Variants in RYR3 observed in about 807,000 individuals in gnomAD.
RYR3 encodes ryanodine receptor 3.
Under a neutral mutation model 584.3 loss-of-function variants are expected in RYR3, and 207 were observed. The observed-to-expected ratio is 0.35, with a 90% CI of 0.32 to 0.40. The LOEUF is 0.40. Among genes scored for constraint, RYR3 ranks in the 10% least tolerant of loss-of-function variants. The probability of loss-of-function intolerance (pLI) is 1.00; values close to 1 mark genes in which losing one functional copy is unlikely to be tolerated. For missense variants in RYR3, 5,616 were observed against 6,089.2 expected, an observed-to-expected ratio of 0.92 and a Z score of 2.59; for synonymous variants, 2,416 against 2,248.5, an observed-to-expected ratio of 1.07 and a Z score of -2.11.
chr15:33,697,725 A>G lies in RYR3; in HGVS notation c.6135-157A>G, dbSNP rs115119025. ...TTTCAGTCAGCTAAAATGGCCCTCCACATATATTCCAGCTGAACTAGTGCT... is the reference window on the plus strand; with the variant it reads ...TTTCAGTCAGCTAAAATGGCCCTCCGCATATATTCCAGCTGAACTAGTGCT... On this transcript the variant is annotated intron_variant, in intron 39 of 103. Coordinates refer to ENST00000634891, the MANE Select transcript of RYR3 (RefSeq NM_001036.6). Among the ~76,000 whole-genome samples, 661 of 152,328 alleles carry G rather than the reference A, an allele frequency of 4.3e-3. 7 individuals are homozygous for G. The highest frequency in any genetic ancestry group is 0.015 in the African/African-American group (637 of 41,570).
chr15:33,552,456 TAGC>T (rs1217095731), intron 10 of RYR3, among the ~76,000 whole-genome samples: 1 of 152,208 alleles, frequency 6.6e-6, no homozygotes, highest in East Asian at 1.9e-4. Context: ...GCCATCGGCA[TAGC>T]AGAGCTGGGG....
At chr15:33,324,718 A>G (rs1034033023) in intron 1 of RYR3, among the ~76,000 whole-genome samples, 5 of 152,176 alleles carry the variant, frequency 3.3e-5, no homozygotes, top group Non-Finnish European at 5.9e-5. Flanking sequence ...AGAGTTAGTA[A>G]ATCCTCATCT....
intron 31 of RYR3, 80 bp downstream of exon 31, chr15:33,649,315 C>A: frequency 7.4e-7 from 1 of 1,349,160 alleles, no homozygotes. Flanking sequence ...CACCCCACAC[C>A]CAAAGAAGGA....
intron 43 of RYR3, among the ~76,000 whole-genome samples, chr15:33,709,006 A>G (rs1339120162): frequency 6.6e-6 from 1 of 152,192 alleles, no homozygotes; most frequent in Non-Finnish European, 1.5e-5. Context: ...AGGTGATCAG[A>G]ATGAGTCAGG....
At position 33,758,764 on chromosome 15, in the gene RYR3, G is replaced by A. The variant is rs150431798; in HGVS notation, c.8705+1168G>A. Among the ~76,000 whole-genome samples the A allele has an allele frequency of 2.4e-3, 359 of 152,304 alleles. 1 individual carries two copies. Among genetic ancestry groups the A allele is most frequent in the African/African-American group, 8.0e-3 (334 of 41,562 alleles). On this transcript the variant is annotated intron_variant, in intron 60 of 103. Transcript: ENST00000634891. The stretch of plus-strand genomic sequence containing the variant: ...GCCTGCCGGCTCTGAACATAGCAGC[G>A]GATCTCCCAGCACAGCACTCAAGCT...
chr15:33,741,045 G>T (rs948184152), intron 51 of RYR3, among the ~76,000 whole-genome samples: 2 of 152,210 alleles, frequency 1.3e-5, no homozygotes, highest in Non-Finnish European at 2.9e-5. Context: ...AGCAAATGGC[G>T]TAGTAACTTG....
intron 102 of RYR3, 93 bp downstream of exon 102, chr15:33,861,271 A>G: frequency 1.1e-6 from 1 of 912,678 alleles, no homozygotes; most frequent in Admixed American, 2.2e-5. Flanking sequence ...AAAAAGAGTA[A>G]CCAGAAAGGA....
In RYR3 at chr15:33,726,495, C is replaced by G; in HGVS notation, c.7022C>G (p.Ser2341Cys). ...ATCAGCATCCCCTTGAAACTGCCCT[C>G]CCTCAACAAAGGTAAGGGGAGTGAC... ...GIISIPLKLP[S>C]LNKDGSVSEP... Residue 2341 changes from serine (S) to cysteine (C), a missense_variant, in exon 46 of 104, where the codon TCC (serine) becomes TGC (cysteine). Ser to Cys is a moderately radical substitution (Grantham distance 112). Around this residue, in one of 9 missense-constraint regions of RYR3, gnomAD observed 1,280 missense variants for 1,426.2 expected, o/e 0.90. Transcript: ENST00000634891. 1 of 1,596,786 alleles carries G rather than the reference C, an allele frequency of 6.3e-7. No individual in the cohort carries two copies. Among genetic ancestry groups the G allele is most frequent in the South Asian group, 1.1e-5 (1 of 87,964 alleles).
At chr15:33,312,859 G>A (rs1156876665) in intron 1 of RYR3, among the ~76,000 whole-genome samples, 1 of 152,156 alleles carries the variant, frequency 6.6e-6, no homozygotes, top group Non-Finnish European at 1.5e-5. Context: ...CATTGTAAGT[G>A]TTTTTTGTTT....
At chr15:33,737,651 C>T (rs1395972302) in intron 49 of RYR3, among the ~76,000 whole-genome samples, 2 of 152,276 alleles carry the variant, frequency 1.3e-5, no homozygotes, top group East Asian at 1.9e-4. Context: ...TCTCTAGCAG[C>T]CCCAGTTTTC....
At chr15:33,775,833 A>G (rs1186914026) in intron 64 of RYR3, among the ~76,000 whole-genome samples, 7 of 152,176 alleles carry the variant, frequency 4.6e-5, no homozygotes, top group Non-Finnish European at 1.0e-4. Context: ...TCATTGTTTC[A>G]GGCAAAACCT....
At chr15:33,597,216 G>A (rs2059420553) in intron 16 of RYR3, among the ~76,000 whole-genome samples, 2 of 152,192 alleles carry the variant, frequency 1.3e-5, no homozygotes, top group Non-Finnish European at 2.9e-5. Flanking sequence ...GCAGGGATAA[G>A]TATGAAATTG....
rs927433368 is a variant in RYR3 at position 33,663,732 on chromosome 15, G to A, written c.5614G>A (p.Glu1872Lys). The A allele has an allele frequency of 1.2e-6, 2 of 1,603,732 alleles. No homozygotes were observed. The highest frequency in any genetic ancestry group is 8.5e-7 in the Non-Finnish European group (1 of 1,175,914). Reference protein sequence around the residue: ...KTKEFRSPPQEQINMLLNFQL... With the variant: ...KTKEFRSPPQKQINMLLNFQL... Reference sequence around the variant, plus strand: ...CAAGGAGTTCCGCTCACCCCCACAGGAGCAGGTGAGGGTCCTTCCTGAGCC... The same window carrying A: ...CAAGGAGTTCCGCTCACCCCCACAGAAGCAGGTGAGGGTCCTTCCTGAGCC... Residue 1872 changes from glutamate (E) to lysine (K), a missense_variant, in exon 36 of 104, where the codon GAG (glutamate) becomes AAG (lysine). Around this residue, in one of 9 missense-constraint regions of RYR3, gnomAD observed 1,280 missense variants for 1,426.2 expected, o/e 0.90. Transcript: ENST00000634891.
intron 1 of RYR3, among the ~76,000 whole-genome samples, chr15:33,429,590 T>A (rs2044945516): frequency 6.6e-6 from 1 of 152,218 alleles, no homozygotes; most frequent in Non-Finnish European, 1.5e-5. Context: ...CTCTAATGAA[T>A]CTCTTACAGG....
At chr15:33,658,556 C>T (rs896094658) in intron 32 of RYR3, among the ~76,000 whole-genome samples, 1 of 152,242 alleles carries the variant, frequency 6.6e-6, no homozygotes, top group Admixed American at 6.5e-5. Flanking sequence ...ATGTCCAGCA[C>T]ACCTGCCATC....
At chr15:33,727,386 G>C (rs1303103098) in intron 46 of RYR3, among the ~76,000 whole-genome samples, 1 of 152,178 alleles carries the variant, frequency 6.6e-6, no homozygotes, top group Non-Finnish European at 1.5e-5. Context: ...GTTTTTGTGG[G>C]AGATATTAAT....
At chr15:33,603,999 T>C (rs1291183180) in intron 18 of RYR3, among the ~76,000 whole-genome samples, 1 of 152,256 alleles carries the variant, frequency 6.6e-6, no homozygotes, top group Non-Finnish European at 1.5e-5. Flanking sequence ...CCCGTGCCTG[T>C]GGAGGAATGT....
chr15:33,467,993 A>C (rs1043276700), intron 1 of RYR3, among the ~76,000 whole-genome samples: 2 of 152,190 alleles, frequency 1.3e-5, no homozygotes, highest in Non-Finnish European at 2.9e-5. Flanking sequence ...AGAATCAGAC[A>C]GACATGAATT....
intron 5 of RYR3, among the ~76,000 whole-genome samples, chr15:33,535,035 A>G (rs191358087): frequency 1.4e-4 from 21 of 152,336 alleles, no homozygotes; most frequent in African/African-American, 5.1e-4. Flanking sequence ...AGGCTTGAAA[A>G]TTGGGTAGGA....
Sources: gnomAD v4.1 joint callset for allele counts (sites outside exome capture counted in the v4.1 genomes callset) on GRCh38, gnomAD v4.1.1 for gene constraint, gnomAD v4.1.1 regional missense constraint, MANE v1.5 for transcripts, NCBI Gene and HGNC (gene_info 2026-07-23, HGNC 2026-07-21) for gene names.